MIGA1: variants seen among roughly 807,000 people sequenced by gnomAD.
MIGA1 encodes the protein mitoguardin 1, also known as family with sequence similarity 73, member A.
MIGA1 carries 58 observed loss-of-function variants against 82.0 expected under a neutral mutation model. That is an observed-to-expected ratio of 0.71 (90% confidence interval 0.57 to 0.88). The LOEUF (loss-of-function observed/expected upper bound fraction) is 0.88, where lower values mean the gene tolerates loss of function less well. Among genes scored for constraint, MIGA1 ranks in the 40% least tolerant of loss-of-function variants. MIGA1 has a pLI of 0.00. For missense variants in MIGA1, 751 were observed against 749.1 expected (o/e 1.00, Z -0.03); for synonymous variants, 249 against 253.6 (o/e 0.98, Z 0.17).
At chr1:77,799,576 G>A (rs1364699103) in intron 2 of MIGA1, among the ~76,000 whole-genome samples, 1 of 152,008 alleles carries the variant, frequency 6.6e-6, no homozygotes, top group Non-Finnish European at 1.5e-5. Flanking sequence ...TAACTACTTG[G>A]TGTAATTTGG....
At chr1:77,856,654 T>G (rs1557931103) in intron 8 of MIGA1, among the ~76,000 whole-genome samples, 1 of 152,208 alleles carries the variant, frequency 6.6e-6, no homozygotes, top group Non-Finnish European at 1.5e-5. Context: ...TTTTCTAGTT[T>G]ATGTGCGTAA....
chr1:77,843,291 A>G lies in MIGA1; in HGVS notation c.896-16A>G. ...TGGAATATCACTTTCTGAACTTTTC[A>G]CCTTTTACTTTTAAGATAAAGATAC... On this transcript the variant is annotated splice_polypyrimidine_tract_variant and intron_variant, in intron 7 of 15. Coordinates refer to ENST00000370791, the MANE Select transcript of MIGA1 (RefSeq NM_198549.4). The G allele has an allele frequency of 6.4e-7, 1 of 1,574,364 alleles. No homozygotes were observed. Among genetic ancestry groups the G allele is most frequent in the South Asian group, 1.1e-5 (1 of 90,048 alleles).
intron 14 of MIGA1, among the ~76,000 whole-genome samples, chr1:77,871,116 A>AGAGGGG (rs1685972120): frequency 1.2e-4 from 2 of 16,028 alleles, no homozygotes; most frequent in African/African-American, 1.3e-4. Flanking sequence ...AGGGAGAGGG[A>AGAGGGG]GAGGGAGAGG....
intron 7 of MIGA1, among the ~76,000 whole-genome samples, chr1:77,839,563 A>G (rs1684553637): frequency 6.6e-6 from 1 of 151,652 alleles, no homozygotes; most frequent in African/African-American, 2.4e-5. Context: ...GTAGAGCTGG[A>G]GTCTCTCTCT....
intron 8 of MIGA1, chr1:77,847,896 A>G: frequency 6.6e-7 from 1 of 1,526,102 alleles, no homozygotes; most frequent in Non-Finnish European, 9.1e-7. Context: ...TGCTAAGAGC[A>G]GCAAGGATGA....
At chr1:77,807,643 A>T (rs771739834) in intron 5 of MIGA1, among the ~76,000 whole-genome samples, 20 of 152,168 alleles carry the variant, frequency 1.3e-4, no homozygotes, top group Middle Eastern at 3.2e-3. Flanking sequence ...ACTGGGCTGA[A>T]ATCAATATGT....
chr1:77,848,680 G>T, intron 8 of MIGA1: 2 of 1,577,764 alleles, frequency 1.3e-6, no homozygotes, highest in East Asian at 4.5e-5. Flanking sequence ...ACCACCTGAG[G>T]CAGTGAGCAA....
intron 12 of MIGA1, chr1:77,861,816 G>A: frequency 6.5e-6 from 1 of 154,388 alleles, no homozygotes; most frequent in East Asian, 1.9e-4. Context: ...TGAGTTCACA[G>A]TTTATAATAT....
intron 7 of MIGA1, among the ~76,000 whole-genome samples, chr1:77,815,856 A>G (rs1453884042): frequency 6.6e-6 from 1 of 152,184 alleles, no homozygotes; most frequent in South Asian, 2.1e-4. Flanking sequence ...CAGCCTCCCA[A>G]GTAGCTGGGA....
chr1:77,868,551 C>G (rs1685764914), intron 14 of MIGA1: 1 of 152,180 alleles, frequency 6.6e-6, no homozygotes, highest in South Asian at 2.1e-4. Context: ...TCCATAGATA[C>G]CTATATGTCT....
chr1:77,783,182 G>T, intron 1 of MIGA1, 56 bp from the exon 2 acceptor site: 2 of 1,225,184 alleles, frequency 1.6e-6, no homozygotes, highest in South Asian at 1.4e-5. Flanking sequence ...ACCTTTCATT[G>T]GTAAAGTAAC....
chr1:77,839,848 T>C (rs1684566095), intron 7 of MIGA1, among the ~76,000 whole-genome samples: 1 of 152,126 alleles, frequency 6.6e-6, no homozygotes, highest in South Asian at 2.1e-4. Flanking sequence ...ACTCAAGTGA[T>C]CCTCCCACTT....
chr1:77,805,769 C>T (rs749878807), intron 4 of MIGA1, among the ~76,000 whole-genome samples: 3 of 151,656 alleles, frequency 2.0e-5, no homozygotes, highest in African/African-American at 4.8e-5. Flanking sequence ...GTGATCTGCC[C>T]GTTTTGGCCT....
At chr1:77,864,161 G>GACCA in intron 13 of MIGA1, 133 bp downstream of exon 13, 1 of 803,678 alleles carries the variant, frequency 1.2e-6, no homozygotes, top group South Asian at 1.8e-5. Context: ...AGGAGTTTGA[G>GACCA]ACCAGCCTGG....
At chr1:77,857,913 G>A (rs1006407507) in intron 8 of MIGA1, among the ~76,000 whole-genome samples, 4 of 152,140 alleles carry the variant, frequency 2.6e-5, no homozygotes, top group East Asian at 1.9e-4. Flanking sequence ...TAGCAACACT[G>A]AGCTTATTTT....
chr1:77,801,215 T>C lies in MIGA1; in HGVS notation c.196-116T>C, dbSNP rs1570934138. On this transcript the variant is annotated intron_variant, in intron 2 of 15. Coordinates refer to ENST00000370791, the MANE Select transcript of MIGA1 (RefSeq NM_198549.4). Reference sequence around the variant, plus strand: ...TTGTCATTGAAAGAGTGAAATGATATTCTCTTGATAGTATTTAGAAATAGG... The same window carrying C: ...TTGTCATTGAAAGAGTGAAATGATACTCTCTTGATAGTATTTAGAAATAGG... 11 of 653,922 alleles carry C rather than the reference T, an allele frequency of 1.7e-5. No individual in the cohort carries two copies. The East Asian group carries it at 3.4e-4, about 21-fold the overall frequency. The allele number at this position is 653,922 out of a possible 1,614,324, so 40.5% of individuals were successfully genotyped here. A position where few individuals can be genotyped will look rare whatever the true frequency, so the allele number is the denominator to read the frequency against.
At chr1:77,829,146 A>T (rs568362297) in intron 7 of MIGA1, among the ~76,000 whole-genome samples, 2 of 149,916 alleles carry the variant, frequency 1.3e-5, no homozygotes, top group Admixed American at 1.3e-4. Context: ...TTGGTCAGGT[A>T]TGGTGGCTCA....
At chr1:77,849,834 TAC>T (rs1424968354) in intron 8 of MIGA1, among the ~76,000 whole-genome samples, 1 of 152,046 alleles carries the variant, frequency 6.6e-6, no homozygotes, top group Admixed American at 6.6e-5. Flanking sequence ...TCAGGAGTTC[TAC>T]ACCAGCCTGG....
At chr1:77,782,808 C>G (rs560397966) in intron 1 of MIGA1, 3 of 932,104 alleles carry the variant, frequency 3.2e-6, no homozygotes, top group East Asian at 2.3e-4. Context: ...AGATTCTGTT[C>G]CAGATTCCAT....
Sources: allele counts gnomAD v4.1 joint callset (sites outside exome capture counted in the v4.1 genomes callset), GRCh38; gene constraint gnomAD v4.1.1; transcripts MANE v1.5; gene names NCBI Gene and HGNC (gene_info 2026-07-23, HGNC 2026-07-21).